The following ATF6 variants were observed in gnomAD, a reference collection of about 807,000 sequenced individuals.
ATF6 encodes the protein cyclic AMP-dependent transcription factor ATF-6 alpha.
ATF6 carries 53 observed loss-of-function variants against 83.6 expected under a neutral mutation model. That is an observed-to-expected ratio of 0.63 (90% CI 0.51 to 0.80). ATF6 has a LOEUF of 0.80. ATF6 is among the 30% of genes least tolerant of loss of function. The pLI is 0.00. For missense variants in ATF6, 744 were observed against 797.9 expected (o/e 0.93, Z 0.81); for synonymous variants, 288 against 285.8 (o/e 1.01, Z -0.08).
At chr1:161,782,733 G>A (rs1684665814) in intron 3 of ATF6, among the ~76,000 whole-genome samples, 1 of 152,146 alleles carries the variant, frequency 6.6e-6, no homozygotes, top group Non-Finnish European at 1.5e-5. Flanking sequence ...TACTTATACT[G>A]TTTCATGCCT....
intron 7 of ATF6, among the ~76,000 whole-genome samples, chr1:161,804,956 TA>T (rs1685242820): frequency 6.6e-6 from 1 of 152,058 alleles, no homozygotes; most frequent in African/African-American, 2.4e-5. Context: ...AGTTAAAAAA[TA>T]TATAGGTCAA....
intron 14 of ATF6, among the ~76,000 whole-genome samples, chr1:161,897,609 G>T (rs1156273712): frequency 6.6e-6 from 1 of 152,082 alleles, no homozygotes; most frequent in Admixed American, 6.6e-5. Context: ...GCCTGAAAGG[G>T]TCATTTCCCA....
At chr1:161,842,967 T>G (rs955425121) in intron 9 of ATF6, among the ~76,000 whole-genome samples, 2 of 152,240 alleles carry the variant, frequency 1.3e-5, no homozygotes, top group African/African-American at 2.4e-5. Flanking sequence ...GATTATTGTA[T>G]ACTGTACACA....
intron 9 of ATF6, among the ~76,000 whole-genome samples, chr1:161,842,705 G>C (rs951646680): frequency 6.6e-6 from 1 of 152,046 alleles, no homozygotes; most frequent in Non-Finnish European, 1.5e-5. Flanking sequence ...ACTAAACAAC[G>C]TACTCATCTC....
intron 14 of ATF6, among the ~76,000 whole-genome samples, chr1:161,893,525 T>A (rs1348818119): frequency 1.3e-5 from 2 of 152,232 alleles, no homozygotes; most frequent in African/African-American, 4.8e-5. Context: ...AACTATTCTT[T>A]TGTCGACCTT....
chr1:161,894,521 C>CTTTTTTTTTTTTTTGTTTTTTTT (rs1687630093), intron 14 of ATF6, among the ~76,000 whole-genome samples: 1 of 44,850 alleles, frequency 2.2e-5, no homozygotes, highest in African/African-American at 6.6e-5. Flanking sequence ...GTTTTGTAGT[C>CTTTTTTTTTTTTTTGTTTTTTTT]TTTTTTTTTT....
chr1:161,829,189 C>CGTTTT, intron 9 of ATF6, among the ~76,000 whole-genome samples: 1 of 72,588 alleles, frequency 1.4e-5, no homozygotes, highest in Non-Finnish European at 2.5e-5. Context: ...TAATGGGAGA[C>CGTTTT]TTTTTTTTTT....
At chr1:161,767,997 A>G (rs926467098) in intron 1 of ATF6, among the ~76,000 whole-genome samples, 3 of 152,112 alleles carry the variant, frequency 2.0e-5, no homozygotes, top group African/African-American at 7.2e-5. Context: ...CTGGGATTAC[A>G]GGCATGCACC....
chr1:161,898,828 G>T (rs1687727269), intron 14 of ATF6, among the ~76,000 whole-genome samples: 4 of 152,174 alleles, frequency 2.6e-5, no homozygotes, highest in Admixed American at 2.6e-4. Context: ...GATTACAGGT[G>T]TGAGCCACCG....
intron 12 of ATF6, among the ~76,000 whole-genome samples, chr1:161,855,284 A>G (rs2101830536): frequency 6.6e-6 from 1 of 152,312 alleles, no homozygotes; most frequent in East Asian, 1.9e-4. Context: ...TGAAGGTGGC[A>G]GAAAGTACCT....
intron 9 of ATF6, chr1:161,840,263 G>A (rs1686324305): frequency 6.6e-6 from 1 of 152,210 alleles, no homozygotes; most frequent in Non-Finnish European, 1.5e-5. Flanking sequence ...CAGTCTCAGA[G>A]TAACATCTTG....
intron 9 of ATF6, among the ~76,000 whole-genome samples, chr1:161,845,958 T>G (rs1686477014): frequency 6.6e-6 from 1 of 151,952 alleles, no homozygotes; most frequent in African/African-American, 2.4e-5. Flanking sequence ...TTTAAAAAAT[T>G]TTTTTTTCTT....
In ATF6 at chr1:161,853,208, A is replaced by C. The variant is rs776697596; in HGVS notation, c.1434-16A>C. On this transcript the variant is annotated splice_polypyrimidine_tract_variant and intron_variant, in intron 11 of 15. Transcript: ENST00000367942. ...AATTAATTTCTATGTTTAATTAATTAAACTATATTTTATAGGTTAAATCAT... is the reference window on the plus strand; with the variant it reads ...AATTAATTTCTATGTTTAATTAATTCAACTATATTTTATAGGTTAAATCAT... 6.8e-7 allele frequency: 1 copy of C among 1,479,326 alleles called. No individual in the cohort carries two copies. The highest frequency in any genetic ancestry group is 9.3e-7 in the Non-Finnish European group (1 of 1,074,344). 91.6% of individuals were successfully genotyped at this position (1,479,326 alleles called of 1,614,324 possible).
At chr1:161,833,632 G>A (rs184287818) in intron 9 of ATF6, among the ~76,000 whole-genome samples, 7 of 152,166 alleles carry the variant, frequency 4.6e-5, no homozygotes, top group South Asian at 2.1e-4. Flanking sequence ...TAACCAATGC[G>A]ATCAACTGGA....
chr1:161,828,084 A>G (rs1435972595), intron 9 of ATF6, among the ~76,000 whole-genome samples: 2 of 152,048 alleles, frequency 1.3e-5, no homozygotes, highest in Non-Finnish European at 2.9e-5. Context: ...GTCATATTTT[A>G]TTGTTGAGAA....
chr1:161,873,538 T>A (rs1350967763), intron 14 of ATF6, among the ~76,000 whole-genome samples: 1 of 151,668 alleles, frequency 6.6e-6, no homozygotes, highest in East Asian at 1.9e-4. Context: ...ATATTTTAAC[T>A]TTTGACACCA....
rs555311258 is a variant in ATF6, at chr1:161,775,385, A to G, written c.83-2859A>G. Among the ~76,000 whole-genome samples the G allele has an allele frequency of 1.5e-3, 223 of 152,306 alleles. 6 individuals carry two copies. Among genetic ancestry groups the G allele is most frequent in the Admixed American group, 0.014 (219 of 15,294 alleles). On this transcript the variant is annotated intron_variant, in intron 1 of 15. Transcript: ENST00000367942. The stretch of plus-strand genomic sequence containing the variant: ...CTAGCCTCATTAATAACCCCAATCT[A>G]TATCAGTTACCACTCTAATGGTTGC...
intron 15 of ATF6, among the ~76,000 whole-genome samples, chr1:161,935,061 A>C (rs913862508): frequency 6.6e-6 from 1 of 152,244 alleles, no homozygotes; most frequent in Non-Finnish European, 1.5e-5. Context: ...CAACATTGTC[A>C]CAAAGCTCTT....
At chr1:161,902,049 C>T (rs887094455) in intron 14 of ATF6, among the ~76,000 whole-genome samples, 6 of 152,068 alleles carry the variant, frequency 3.9e-5, no homozygotes, top group East Asian at 1.9e-4. Flanking sequence ...ACATGGTTTC[C>T]GAAATTCGGA....
Sources: gnomAD v4.1 joint callset for allele counts (sites outside exome capture counted in the v4.1 genomes callset) on GRCh38, gnomAD v4.1.1 for gene constraint, MANE v1.5 for transcripts, NCBI Gene and HGNC (gene_info 2026-07-23, HGNC 2026-07-21) for gene names.